The following TAMM41 variants were observed in gnomAD, a reference collection of about 807,000 sequenced individuals.
TAMM41 encodes the protein TAM41 mitochondrial translocator assembly and maintenance homolog.
TAMM41 carries 36 observed loss-of-function variants against 44.1 expected under a neutral mutation model. That is an observed-to-expected ratio of 0.82 (90% CI 0.63 to 1.08). The LOEUF (loss-of-function observed/expected upper bound fraction) is 1.08. Among genes scored for constraint, TAMM41 ranks in the 50% least tolerant of loss-of-function variants. The pLI, the probability that TAMM41 is intolerant of heterozygous loss-of-function variation, is 0.00. For missense variants in TAMM41, 417 were observed against 404.3 expected (o/e 1.03, Z -0.27); for synonymous variants, 164 against 153.1 (o/e 1.07, Z -0.53).
At chr3:11,823,082 A>G (rs1368962417) in intron 4 of TAMM41, among the ~76,000 whole-genome samples, 1 of 152,154 alleles carries the variant, frequency 6.6e-6, no homozygotes, top group East Asian at 1.9e-4. Flanking sequence ...CAGGTATAGA[A>G]TGGCGTCTCT....
intron 1 of TAMM41, chr3:11,845,020 G>A (rs1308526525): frequency 2.2e-6 from 1 of 456,408 alleles, no homozygotes; most frequent in East Asian, 6.9e-5. Flanking sequence ...CACAGGGAAG[G>A]GTAGGGAGCC....
chr3:11,732,814 G>A, the TAMM41 span, among the ~76,000 whole-genome samples: 3 of 152,110 alleles, frequency 2.0e-5, no homozygotes, highest in African/African-American at 7.2e-5. Flanking sequence ...CAGTCACCAT[G>A]ATGGAAGGAT....
downstream of TAMM41, among the ~76,000 whole-genome samples, chr3:11,787,549 T>C (rs908961225): frequency 6.6e-5 from 10 of 152,198 alleles, no homozygotes; most frequent in African/African-American, 2.4e-4. Context: ...TACTTAGGGT[T>C]GTTTCCATTT....
At chr3:11,822,865 CAT>C (rs1265658931) in intron 4 of TAMM41, among the ~76,000 whole-genome samples, 1 of 152,114 alleles carries the variant, frequency 6.6e-6, no homozygotes, top group African/African-American at 2.4e-5. Context: ...TTTGTGTGGA[CAT>C]ATGTTTCATT....
chr3:11,805,001 T>G (rs112796428), intron 7 of TAMM41, among the ~76,000 whole-genome samples: 1,203 of 103,320 alleles, frequency 0.012, 23 homozygotes, highest in African/African-American at 0.068. Context: ...CAGCCCTTTT[T>G]TTTTTTTTTT....
chr3:11,735,206 TAATC>T, the TAMM41 span, among the ~76,000 whole-genome samples: 2 of 150,504 alleles, frequency 1.3e-5, no homozygotes, highest in Non-Finnish European at 3.0e-5. Flanking sequence ...AAAAATAAAA[TAATC>T]AGCCAGGCAT....
At chr3:11,840,642 T>C (rs1239879295) in intron 2 of TAMM41, among the ~76,000 whole-genome samples, 2 of 151,954 alleles carry the variant, frequency 1.3e-5, no homozygotes, top group East Asian at 1.9e-4. Flanking sequence ...TATTTCAACT[T>C]AGGTCCATGT....
the TAMM41 span, among the ~76,000 whole-genome samples, chr3:11,749,261 C>T: frequency 1.1e-4 from 16 of 152,118 alleles, no homozygotes; most frequent in Admixed American, 4.6e-4. Flanking sequence ...CAAAGAGGCT[C>T]GGATTTGTTA....
intron 7 of TAMM41, among the ~76,000 whole-genome samples, chr3:11,805,300 C>T (rs190173655): frequency 7.9e-5 from 12 of 152,164 alleles, no homozygotes; most frequent in African/African-American, 2.6e-4. Flanking sequence ...CCACATCCAG[C>T]CTATTTTTTC....
intron 4 of TAMM41, among the ~76,000 whole-genome samples, chr3:11,821,651 TA>T (rs1240889629): frequency 6.6e-6 from 1 of 152,224 alleles, no homozygotes; most frequent in African/African-American, 2.4e-5. Context: ...AGATACTACT[TA>T]TGATATGTAT....
intron 4 of TAMM41, among the ~76,000 whole-genome samples, chr3:11,823,977 C>T (rs1281064208): frequency 6.6e-6 from 1 of 151,518 alleles, no homozygotes; most frequent in Admixed American, 6.6e-5. Flanking sequence ...AGGTGCACAC[C>T]ACCACATCCA....
At chr3:11,779,262 C>A in the TAMM41 span, among the ~76,000 whole-genome samples, 1 of 152,144 alleles carries the variant, frequency 6.6e-6, no homozygotes, top group African/African-American at 2.4e-5. Flanking sequence ...TTGAACTTTC[C>A]AGCCATCAGA....
the TAMM41 span, among the ~76,000 whole-genome samples, chr3:11,731,210 C>T: frequency 6.6e-6 from 1 of 152,290 alleles, no homozygotes; most frequent in African/African-American, 2.4e-5. Flanking sequence ...ATATATATAA[C>T]TAAATGACCA....
intron 4 of TAMM41, 47 bp from the exon 5 acceptor site, chr3:11,817,384 C>T (rs886244221): frequency 1.3e-6 from 2 of 1,574,468 alleles, no homozygotes; most frequent in African/African-American, 2.7e-5. Flanking sequence ...AGAATCCACA[C>T]TCTCGACCTA....
chr3:11,753,213 C>T, the TAMM41 span, among the ~76,000 whole-genome samples: 1 of 151,714 alleles, frequency 6.6e-6, no homozygotes, highest in Non-Finnish European at 1.5e-5. Flanking sequence ...ATCACTTGAG[C>T]CCAGGAGTTC....
chr3:11,747,774 T>A, the TAMM41 span, among the ~76,000 whole-genome samples: 1 of 151,698 alleles, frequency 6.6e-6, no homozygotes, highest in Non-Finnish European at 1.5e-5. Context: ...TCAAAAAAAT[T>A]AAAAAATAAA....
chr3:11,830,939 A>G (rs1177371587), intron 3 of TAMM41: 1 of 151,980 alleles, frequency 6.6e-6, no homozygotes, highest in Non-Finnish European at 1.5e-5. Context: ...ACTTTTAAAG[A>G]TTGCACTGCA....
intron 4 of TAMM41, among the ~76,000 whole-genome samples, chr3:11,828,713 C>A (rs895131877): frequency 2.6e-5 from 4 of 152,180 alleles, no homozygotes; most frequent in Non-Finnish European, 5.9e-5. Flanking sequence ...TGCTTCAACG[C>A]CTTTCTCTAC....
Position 11,846,670 on chromosome 3 carries a change from C to T in TAMM41, c.-34G>A. 1.2e-6 allele frequency: 2 copies of T among 1,613,704 alleles called. No homozygotes were observed. On this transcript the variant is annotated 5_prime_UTR_variant, in exon 1 of 8. Coordinates refer to ENST00000455809, the MANE Select transcript of TAMM41 (RefSeq NM_001284401.2). The stretch of plus-strand genomic sequence containing the variant: ...GGCTAACAGGGGACACTCAGCGCAG[C>T]AGGGCGAGGACAACCGGGCGGGGAA...
Sources: allele counts gnomAD v4.1 joint callset (sites outside exome capture counted in the v4.1 genomes callset), GRCh38; gene constraint gnomAD v4.1.1; transcripts MANE v1.5; gene names NCBI Gene and HGNC (gene_info 2026-07-23, HGNC 2026-07-21).